SLC7A14: variants seen among roughly 807,000 people sequenced by gnomAD.
The protein encoded by SLC7A14 is gamma-aminobutyric acid transporter SLC7A14.
A neutral mutation model predicts 60.2 loss-of-function variants in SLC7A14; 37 were observed. The observed-to-expected ratio is 0.61, with a 90% CI of 0.47 to 0.81. The LOEUF is 0.81. SLC7A14 is among the 30% of genes least tolerant of loss of function. The probability of loss-of-function intolerance (pLI) is 0.00; values close to 1 mark genes in which losing one functional copy is unlikely to be tolerated. For missense variants in SLC7A14, 886 were observed against 982.7 expected (o/e 0.90, Z 1.32); for synonymous variants, 399 against 395.8 (o/e 1.01, Z -0.10).
chr3:170,465,145 T>C lies in SLC7A14; in HGVS notation c.*1910A>G, dbSNP rs1322718929. The C allele has an allele frequency of 1.3e-5, 2 of 152,196 alleles. No individual in the cohort carries two copies. The highest frequency in any genetic ancestry group is 2.9e-5 in the Non-Finnish European group (2 of 68,014). The allele number at this position is 152,196 out of a possible 1,614,324, so 9.4% of individuals were successfully genotyped here. ...CTCAGGAAACCAGAGTTCTAAACAA[T>C]GACTACAGAAGAATAAAAAATATCT... On this transcript the variant is annotated 3_prime_UTR_variant, in exon 8 of 8. Transcript: ENST00000231706.
intron 1 of SLC7A14, among the ~76,000 whole-genome samples, chr3:170,547,758 A>G (rs1206384751): frequency 6.6e-6 from 1 of 152,186 alleles, no homozygotes; most frequent in Admixed American, 6.5e-5. Context: ...AACCTAATGT[A>G]TCAGCGATAT....
intron 1 of SLC7A14, among the ~76,000 whole-genome samples, chr3:170,550,512 ATTTTTTTTTTTT>A (rs369436642): frequency 1.2e-4 from 7 of 60,614 alleles, no homozygotes; most frequent in Non-Finnish European, 1.1e-4. Flanking sequence ...CTTTCCTTGA[ATTTTTTTTTTTT>A]TTTTTTTTTT....
rs371346143 is a variant in SLC7A14, at chr3:170,467,263, G to A, written c.2108C>T (p.Ser703Leu). The A allele has an allele frequency of 9.2e-5, 148 of 1,614,250 alleles. 2 individuals are homozygous for A. In the South Asian group the frequency reaches 9.6e-4, roughly 10 times the overall value. ...YQRYDVDDPF[S>L]VEEGFSYATE... ...GGCGTAGGAGAAACCCTCCTCCACT[G>A]AGAAGGGGTCATCCACGTCGTAGCG... Residue 703 changes from serine to leucine, a missense_variant, in exon 8 of 8, where the codon TCA becomes TTA. Transcript: ENST00000231706.
At chr3:170,578,083 C>T (rs1200993659) in intron 1 of SLC7A14, among the ~76,000 whole-genome samples, 1 of 152,210 alleles carries the variant, frequency 6.6e-6, no homozygotes, top group Non-Finnish European at 1.5e-5. Flanking sequence ...GAAGACTCTA[C>T]TGAACAGTAA....
At chr3:170,574,463 A>G (rs1253099271) in intron 1 of SLC7A14, among the ~76,000 whole-genome samples, 1 of 152,200 alleles carries the variant, frequency 6.6e-6, no homozygotes, top group Non-Finnish European at 1.5e-5. Context: ...TGCCACTTAC[A>G]GTAAACTCTG....
At chr3:170,514,655 G>A (rs775740995) in intron 2 of SLC7A14, among the ~76,000 whole-genome samples, 1 of 152,182 alleles carries the variant, frequency 6.6e-6, no homozygotes. Context: ...AGTCAAAAGC[G>A]TGCTCTTTGC....
At chr3:170,486,500 T>A in intron 4 of SLC7A14, 132 bp from the exon 5 acceptor site, 7 of 1,122,440 alleles carry the variant, frequency 6.2e-6, no homozygotes, top group Admixed American at 1.9e-5. Flanking sequence ...GTGGAACTCG[T>A]GCTAAACACG....
Position 170,535,396 on chromosome 3 carries a change from T to C in SLC7A14, c.-152-8308A>G, listed in dbSNP as rs936600017. Among the ~76,000 whole-genome samples the C allele has an allele frequency of 6.6e-6, 1 of 152,170 alleles. No individual in the cohort carries two copies. Among genetic ancestry groups the C allele is most frequent in the African/African-American group, 2.4e-5 (1 of 41,440 alleles). On this transcript the variant is annotated intron_variant, in intron 1 of 7. Transcript: ENST00000231706. This position sits in a 1 kb window ranked among gnomAD's most constrained non-coding sequence, Gnocchi z 4.3. ...AAGATTTAAGAATTTGTATTAATCA[T>C]TGCAAAAGTATTTAATGAGTTCCCG...
intron 1 of SLC7A14, among the ~76,000 whole-genome samples, chr3:170,554,813 T>G (rs2108307011): frequency 6.6e-6 from 1 of 152,314 alleles, no homozygotes; most frequent in South Asian, 2.1e-4. Context: ...TATAGTCCCT[T>G]ACTTGAAGAT....
intron 7 of SLC7A14, among the ~76,000 whole-genome samples, chr3:170,473,833 A>C (rs947591273): frequency 1.3e-5 from 2 of 152,222 alleles, no homozygotes; most frequent in African/African-American, 4.8e-5. Flanking sequence ...TCTAATGGGA[A>C]GTCATGCTAC....
At chr3:170,469,846 C>A (rs911623077) in intron 7 of SLC7A14, among the ~76,000 whole-genome samples, 15 of 152,032 alleles carry the variant, frequency 9.9e-5, no homozygotes, top group Non-Finnish European at 1.6e-4. Context: ...CCATCTTTTT[C>A]TTTTCCCTTT....
intron 5 of SLC7A14, among the ~76,000 whole-genome samples, chr3:170,485,379 A>C (rs1314605905): frequency 1.3e-5 from 2 of 152,212 alleles, no homozygotes; most frequent in African/African-American, 4.8e-5. Context: ...AGGGCTGATC[A>C]GCAGCAGCAC....
Position 170,526,636 on chromosome 3 carries a change from A to G in SLC7A14, c.301T>C (p.Ser101Pro). 6.2e-7 allele frequency: 1 copy of G among 1,613,856 alleles called. No individual in the cohort carries two copies. The highest frequency in any genetic ancestry group is 8.5e-7 in the Non-Finnish European group (1 of 1,179,940). ...TTCCCTGCATGGAGACACTTACCTG[A>G]TAATATGGATGCGACGGCTGCAATG... ...FIIAAVASIL[S>P]GVCYAEFGVR... The change falls in exon 2 of 8, where the codon TCA becomes CCA. Residue 101 changes from serine to proline, a missense_variant. Physicochemically the swap from Ser to Pro is moderately conservative, Grantham distance 74 (BLOSUM62 -1). Coordinates refer to ENST00000231706, the MANE Select transcript of SLC7A14 (RefSeq NM_020949.3).
chr3:170,552,553 C>G (rs1172382565), intron 1 of SLC7A14, among the ~76,000 whole-genome samples: 1 of 152,128 alleles, frequency 6.6e-6, no homozygotes, highest in Non-Finnish European at 1.5e-5. Flanking sequence ...CGAATTCTTC[C>G]TCATATGTGA....
rs1739608146 is a variant in SLC7A14 at position 170,461,784 on chromosome 3, T to A, written c.*5271A>T. ...GAGGTCTTTGCAGACACGTGGGTCC[T>A]CAGTTTCAGGGAGCTACACAGGTAC... On this transcript the variant is annotated 3_prime_UTR_variant, in exon 8 of 8. Transcript: ENST00000231706. The A allele has an allele frequency of 6.6e-6, 1 of 152,166 alleles. No homozygotes were observed. The highest frequency in any genetic ancestry group is 1.5e-5 in the Non-Finnish European group (1 of 68,050). 9.4% of individuals were successfully genotyped at this position (152,166 alleles called of 1,614,324 possible).
intron 4 of SLC7A14, among the ~76,000 whole-genome samples, chr3:170,494,247 T>G (rs1321019266): frequency 6.6e-6 from 1 of 152,224 alleles, no homozygotes; most frequent in Admixed American, 6.5e-5. Flanking sequence ...GCAGGGCTGT[T>G]GTGAAAATTA....
chr3:170,466,308 A>C lies in SLC7A14; in HGVS notation c.*747T>G, dbSNP rs1577487633. 2 of 152,178 alleles carry C rather than the reference A, an allele frequency of 1.3e-5. No individual in the cohort carries two copies. The highest frequency in any genetic ancestry group is 3.9e-4 in the East Asian group (2 of 5,190). The allele number at this position is 152,178 out of a possible 1,614,324, so 9.4% of individuals were successfully genotyped here. A position where few individuals can be genotyped will look rare whatever the true frequency, so the allele number is the denominator to read the frequency against. ...TCTGATATAAGAGAGGCCATGACAGAGAGTTAATTTCTGCCAATGCCCTTC... is the reference window on the plus strand; with the variant it reads ...TCTGATATAAGAGAGGCCATGACAGCGAGTTAATTTCTGCCAATGCCCTTC... On this transcript the variant is annotated 3_prime_UTR_variant, in exon 8 of 8. Coordinates refer to ENST00000231706, the MANE Select transcript of SLC7A14 (RefSeq NM_020949.3).
chr3:170,506,640 C>T (rs865878860), intron 2 of SLC7A14, among the ~76,000 whole-genome samples: 1 of 152,284 alleles, frequency 6.6e-6, no homozygotes. Context: ...TTCAGACAGC[C>T]TACATGCAAT....
intron 1 of SLC7A14, among the ~76,000 whole-genome samples, chr3:170,534,748 A>G (rs960990161): frequency 1.3e-5 from 2 of 152,112 alleles, no homozygotes; most frequent in Non-Finnish European, 2.9e-5. Flanking sequence ...ATAAAGAGAA[A>G]CCTGTTTAAT....
Sources: gnomAD v4.1 joint callset for allele counts (sites outside exome capture counted in the v4.1 genomes callset) on GRCh38, gnomAD v4.1.1 for gene constraint, Gnocchi (gnomAD v3.1) non-coding constraint, MANE v1.5 for transcripts, NCBI Gene and HGNC (gene_info 2026-07-23, HGNC 2026-07-21) for gene names.